The following LRRC7 variants were observed in gnomAD, a reference collection of about 807,000 sequenced individuals.
LRRC7 encodes the protein leucine rich repeat containing 7, also known as leucine-rich repeat-containing protein 7.
Under a neutral mutation model 175.7 loss-of-function variants are expected in LRRC7, and 23 were observed. The ratio of observed to expected loss-of-function variants is 0.13; its 90% confidence interval spans 0.09 to 0.19. The LOEUF is 0.19. Ranked by LOEUF, LRRC7 falls within the 10% of genes least tolerant of loss-of-function variation. The pLI, the probability that LRRC7 is intolerant of heterozygous loss-of-function variation, is 1.00. For synonymous variants in LRRC7, 685 were observed against 680.9 expected, an observed-to-expected ratio of 1.01 and a Z score of -0.09; for missense variants, 1,354 against 1,904.7, an observed-to-expected ratio of 0.71 and a Z score of 5.38.
chr1:69,713,622 T>A (rs187017368), intron 2 of LRRC7, among the ~76,000 whole-genome samples: 1 of 152,224 alleles, frequency 6.6e-6, no homozygotes, highest in East Asian at 1.9e-4. Flanking sequence ...GTTGTAGGCC[T>A]ATGCTACATC....
Position 70,129,862 on chromosome 1 carries a change from C to T in LRRC7, c.*7975C>T. On this transcript the variant is annotated 3_prime_UTR_variant, in exon 27 of 27. Transcript: ENST00000651989. ...AATCTGGAAATTGTTTTCTTTTCTT[C>T]ACCCTATGCATACTCAGTGTTTTAG... Among the ~76,000 whole-genome samples the T allele has an allele frequency of 6.6e-6, 1 of 152,192 alleles. No homozygotes were observed. Among genetic ancestry groups the T allele is most frequent in the East Asian group, 1.9e-4 (1 of 5,200 alleles).
At chr1:69,938,799 C>T (rs1289739067) in intron 8 of LRRC7, among the ~76,000 whole-genome samples, 4 of 151,608 alleles carry the variant, frequency 2.6e-5, no homozygotes, top group Non-Finnish European at 1.5e-5. Context: ...TAAGCAATTA[C>T]AGCATAGGTT....
chr1:70,009,335 TTTTTTTTCTTTCTTTCTTTC>T (rs1424304840), intron 11 of LRRC7, among the ~76,000 whole-genome samples: 1 of 150,492 alleles, frequency 6.6e-6, no homozygotes, highest in African/African-American at 2.5e-5. Flanking sequence ...CTAGACTTTC[TTTTTTTTCTTTCTTTCTTTC>T]TTTTTTTTTT....
intron 3 of LRRC7, among the ~76,000 whole-genome samples, chr1:69,778,525 A>T (rs1476240744): frequency 6.6e-6 from 1 of 152,206 alleles, no homozygotes; most frequent in Non-Finnish European, 1.5e-5. Flanking sequence ...AGAGACAACC[A>T]ATCCTGCTTT....
chr1:69,890,924 G>T (rs2101642953), intron 7 of LRRC7, among the ~76,000 whole-genome samples: 1 of 152,284 alleles, frequency 6.6e-6, no homozygotes, highest in South Asian at 2.1e-4. Flanking sequence ...GAGAGTTAGG[G>T]TCTTGCTCTG....
intron 7 of LRRC7, among the ~76,000 whole-genome samples, chr1:69,913,051 T>G (rs1285370956): frequency 1.3e-5 from 2 of 152,162 alleles, no homozygotes; most frequent in Non-Finnish European, 2.9e-5. Flanking sequence ...AACTGTTCAA[T>G]GTTGAATATC....
intron 4 of LRRC7, 90 bp from the exon 5 acceptor site, chr1:69,825,658 T>C (rs1679820357): frequency 1.3e-6 from 1 of 795,280 alleles, no homozygotes; most frequent in East Asian, 2.8e-5. Flanking sequence ...TACTGACTCA[T>C]AGTTTTAATA....
intron 2 of LRRC7, among the ~76,000 whole-genome samples, chr1:69,698,852 T>C (rs1662961869): frequency 6.6e-6 from 1 of 152,200 alleles, no homozygotes; most frequent in African/African-American, 2.4e-5. Flanking sequence ...TCCAAATTAT[T>C]GGTCAATGCT....
chr1:70,121,659 G>A, intron 26 of LRRC7, 121 bp from the exon 27 acceptor site: 4 of 632,944 alleles, frequency 6.3e-6, no homozygotes, highest in East Asian at 2.8e-5. Context: ...CGATTCCATT[G>A]TGAATTATAA....
chr1:69,763,450 C>T (rs557535444), intron 3 of LRRC7, among the ~76,000 whole-genome samples: 1 of 152,152 alleles, frequency 6.6e-6, no homozygotes, highest in East Asian at 1.9e-4. Flanking sequence ...TTAATTGTGT[C>T]ACATGTTTAC....
intron 7 of LRRC7, among the ~76,000 whole-genome samples, chr1:69,910,497 C>T (rs1039467874): frequency 6.6e-6 from 1 of 152,178 alleles, no homozygotes; most frequent in African/African-American, 2.4e-5. Context: ...TGCAGAACAG[C>T]GGTGGCTGTA....
intron 7 of LRRC7, among the ~76,000 whole-genome samples, chr1:69,906,983 G>A (rs1249948137): frequency 6.6e-6 from 1 of 151,936 alleles, no homozygotes; most frequent in Non-Finnish European, 1.5e-5. Flanking sequence ...CACATCCCTT[G>A]TAAGTTGGAT....
intron 8 of LRRC7, among the ~76,000 whole-genome samples, chr1:69,974,799 CT>C (rs947591401): frequency 6.6e-6 from 1 of 152,050 alleles, no homozygotes; most frequent in Admixed American, 6.6e-5. Context: ...ATAAAAATAT[CT>C]TTTTTTAGAA....
chr1:69,905,610 G>C (rs1646278873), intron 7 of LRRC7, among the ~76,000 whole-genome samples: 1 of 152,156 alleles, frequency 6.6e-6, no homozygotes, highest in African/African-American at 2.4e-5. Context: ...TGGCTGCATA[G>C]TATTCCGTGG....
At chr1:69,803,268 T>G (rs1434977129) in intron 4 of LRRC7, among the ~76,000 whole-genome samples, 1 of 151,438 alleles carries the variant, frequency 6.6e-6, no homozygotes, top group African/African-American at 2.4e-5. Context: ...GCAAGAATAT[T>G]AGGTTCAACT....
intron 1 of LRRC7, among the ~76,000 whole-genome samples, chr1:69,579,747 T>C (rs1646114476): frequency 6.6e-6 from 1 of 151,802 alleles, no homozygotes; most frequent in Non-Finnish European, 1.5e-5. Flanking sequence ...TTCCCAGCCA[T>C]AGCCATATGA....
chr1:69,834,150 T>C (rs1487210629), intron 5 of LRRC7, among the ~76,000 whole-genome samples: 1 of 152,126 alleles, frequency 6.6e-6, no homozygotes, highest in Non-Finnish European at 1.5e-5. Flanking sequence ...TTTGATGCAG[T>C]TTATAGCCTT....
At chr1:69,699,034 T>C (rs138062041) in intron 2 of LRRC7, among the ~76,000 whole-genome samples, 58 of 152,266 alleles carry the variant, frequency 3.8e-4, no homozygotes, top group African/African-American at 1.3e-3. Context: ...TTATATATAC[T>C]TTAAGTTCTA....
rs1165599453 is a variant in LRRC7, at chr1:70,135,989, C to T, written c.*14102C>T. 1.3e-5 allele frequency among the ~76,000 whole-genome samples: 2 copies of T among 152,028 alleles called. No individual in the cohort carries two copies. Among genetic ancestry groups the T allele is most frequent in the Non-Finnish European group, 1.5e-5 (1 of 68,006 alleles). The stretch of plus-strand genomic sequence containing the variant: ...CCATGAATGTTGCTAGCAAACAGTT[C>T]AGGCATTTCTTTGTGGCCATTTCCC... On this transcript the variant is annotated 3_prime_UTR_variant, in exon 27 of 27. Transcript: ENST00000651989.
Sources: gnomAD v4.1 joint callset for allele counts (sites outside exome capture counted in the v4.1 genomes callset) on GRCh38, gnomAD v4.1.1 for gene constraint, MANE v1.5 for transcripts, NCBI Gene and HGNC (gene_info 2026-07-23, HGNC 2026-07-21) for gene names.